PALLD: variants seen among roughly 807,000 people sequenced by gnomAD.
PALLD encodes the protein palladin, cytoskeletal associated protein.
Under a neutral mutation model 123.5 loss-of-function variants are expected in PALLD, and 61 were observed. That is an observed-to-expected ratio of 0.49 (90% CI 0.40 to 0.61). PALLD has a LOEUF of 0.61. PALLD is among the 20% of genes least tolerant of loss of function. The pLI, the probability that PALLD is intolerant of heterozygous loss-of-function variation, is 0.00. For missense variants in PALLD, 1,273 were observed against 1,377.0 expected (o/e 0.92, Z 1.20); for synonymous variants, 465 against 496.4 (o/e 0.94, Z 0.84).
At chr4:168,858,016 G>GC (rs1410754632) in intron 10 of PALLD, among the ~76,000 whole-genome samples, 1 of 152,222 alleles carries the variant, frequency 6.6e-6, no homozygotes, top group Non-Finnish European at 1.5e-5. Flanking sequence ...TCCCCACACA[G>GC]CAACACTTCT....
At chr4:168,633,295 T>C (rs2149835902) in intron 2 of PALLD, among the ~76,000 whole-genome samples, 1 of 152,142 alleles carries the variant, frequency 6.6e-6, no homozygotes, top group African/African-American at 2.4e-5. Context: ...CTCTTACATT[T>C]CCCCCCGCGG....
chr4:168,776,042 T>C (rs1309999178), intron 10 of PALLD, among the ~76,000 whole-genome samples: 1 of 152,226 alleles, frequency 6.6e-6, no homozygotes, highest in Non-Finnish European at 1.5e-5. Context: ...CTATAGATTT[T>C]TGAATCAGCT....
chr4:168,746,238 T>C (rs1423123591), intron 10 of PALLD, among the ~76,000 whole-genome samples: 1 of 151,754 alleles, frequency 6.6e-6, no homozygotes, highest in East Asian at 1.9e-4. Context: ...AATTCAGCTC[T>C]TTTCCTCATC....
rs1382259267 is a variant in PALLD, at chr4:168,927,687, C to A, written c.*1507C>A. 4.4e-6 allele frequency: 1 copy of A among 225,542 alleles called. No homozygotes were observed. The highest frequency in any genetic ancestry group is 8.8e-6 in the Non-Finnish European group (1 of 113,062). 14.0% of individuals were successfully genotyped at this position (225,542 alleles called of 1,614,324 possible). A position where few individuals can be genotyped will look rare whatever the true frequency, so the allele number is the denominator to read the frequency against. On this transcript the variant is annotated 3_prime_UTR_variant, in exon 22 of 22. Transcript: ENST00000505667. ...TTTGCCTTAAGAAGGTGCTGGATTC[C>A]AAGGTTTGTAAAGGCATCTCGGTAA...
At chr4:168,766,918 C>A (rs869398) in intron 10 of PALLD, among the ~76,000 whole-genome samples, 51,115 of 151,710 alleles carry the variant, frequency 0.34, 9,204 homozygotes, top group Non-Finnish European at 0.42. Flanking sequence ...TGTGGCAGCT[C>A]ATCAAGTATT....
At chr4:168,819,850 T>TC (rs1742473392) in intron 10 of PALLD, among the ~76,000 whole-genome samples, 1 of 152,220 alleles carries the variant, frequency 6.6e-6, no homozygotes, top group Non-Finnish European at 1.5e-5. Flanking sequence ...AAATGTAATC[T>TC]CATCCAACCC....
chr4:168,832,650 A>G (rs10029957), intron 10 of PALLD: 9,300 of 152,270 alleles, frequency 0.061, 322 homozygotes, highest in Non-Finnish European at 0.066. Flanking sequence ...TGGCGGGGAG[A>G]GGGTGGGGAC....
intron 2 of PALLD, among the ~76,000 whole-genome samples, chr4:168,527,773 C>G (rs1039701031): frequency 1.3e-5 from 2 of 152,134 alleles, no homozygotes; most frequent in Admixed American, 6.5e-5. Flanking sequence ...TCTGTGTAGA[C>G]TAGAACAGAC....
intron 15 of PALLD, among the ~76,000 whole-genome samples, chr4:168,909,171 G>A (rs190300508): frequency 1.4e-4 from 21 of 152,218 alleles, no homozygotes; most frequent in East Asian, 1.2e-3. Flanking sequence ...TAAGAACAAC[G>A]ACATCTAAAC....
At chr4:168,759,191 AAAAAAAAAAAAATATAT>A (rs1386536748) in intron 10 of PALLD, among the ~76,000 whole-genome samples, 1 of 29,548 alleles carries the variant, frequency 3.4e-5, no homozygotes, top group Non-Finnish European at 6.8e-5. Context: ...AAAAAAAAAA[AAAAAAAAAAAAATATAT>A]ATATATATAT....
rs878854267 is a variant in PALLD at position 168,890,938 on chromosome 4, G to C, written c.1981G>C (p.Ala661Pro). The change falls in exon 11 of 22, where the codon GCC (alanine) becomes CCC (proline). Residue 661 changes from alanine (A) to proline (P), a missense_variant. By Grantham distance (27) the Ala-to-Pro change is conservative (BLOSUM62 -1). Transcript: ENST00000505667. Reference protein sequence around the residue: ...AKPKLGFPKKASRTARIASDE... With the variant: ...AKPKLGFPKKPSRTARIASDE... ...ATCCTGCAGAGGATTTCCAAAGAAGGCCAGTAGAACTGCTAGAATAGCCTC... is the reference window on the plus strand; with the variant it reads ...ATCCTGCAGAGGATTTCCAAAGAAGCCCAGTAGAACTGCTAGAATAGCCTC... The C allele has an allele frequency of 3.7e-6, 6 of 1,613,876 alleles. No individual in the cohort carries two copies. Among genetic ancestry groups the C allele is most frequent in the Non-Finnish European group, 5.1e-6 (6 of 1,179,942 alleles).
intron 10 of PALLD, among the ~76,000 whole-genome samples, chr4:168,879,155 A>G (rs949612533): frequency 6.6e-6 from 1 of 152,134 alleles, no homozygotes; most frequent in Non-Finnish European, 1.5e-5. Context: ...TGCCTCCTCT[A>G]TCTCTTTCTG....
rs987950670 is a variant in PALLD at position 168,926,486 on chromosome 4, A to G, written c.*306A>G. 7.1e-6 allele frequency: 5 copies of G among 707,428 alleles called. No individual in the cohort carries two copies. The African/African-American group carries it at 1.1e-4, about 16-fold the overall frequency. 43.8% of individuals were successfully genotyped at this position (707,428 alleles called of 1,614,324 possible). A position where few individuals can be genotyped will look rare whatever the true frequency, so the allele number is the denominator to read the frequency against. ...AAAAGGCAGAAACATACCTTTGACT[A>G]TAAGAAATTAAAAAAAAAACACCAA... On this transcript the variant is annotated 3_prime_UTR_variant, in exon 22 of 22. Coordinates refer to ENST00000505667, the MANE Select transcript of PALLD (RefSeq NM_001166108.2).
chr4:168,511,599 C>G lies in PALLD; in HGVS notation c.95C>G (p.Ala32Gly). Reference sequence around the variant, plus strand: ...ACTGACTTCTTCCCGGGCCTTTCTGCTTTCCTCAGCCAGGAAGAGATAAAC... The same window carrying G: ...ACTGACTTCTTCCCGGGCCTTTCTGGTTTCCTCAGCCAGGAAGAGATAAAC... ...KNTDFFPGLS[A>G]FLSQEEINKS... Residue 32 changes from alanine to glycine, a missense_variant, in exon 2 of 22, where the codon GCT (alanine) becomes GGT (glycine). By Grantham distance (60) the Ala-to-Gly change is moderately conservative. This residue lies in a region of PALLD where 944 missense variants were observed against 954.5 expected (regional missense o/e 0.99). Coordinates refer to ENST00000505667, the MANE Select transcript of PALLD (RefSeq NM_001166108.2). 2 of 1,614,098 alleles carry G rather than the reference C, an allele frequency of 1.2e-6. No individual in the cohort carries two copies.
chr4:168,781,429 C>G (rs548771919), intron 10 of PALLD, among the ~76,000 whole-genome samples: 1 of 152,322 alleles, frequency 6.6e-6, no homozygotes, highest in East Asian at 1.9e-4. Flanking sequence ...GCACATAGAG[C>G]ACAGTTGCTC....
chr4:168,850,949 C>T (rs1355310453), intron 10 of PALLD, among the ~76,000 whole-genome samples: 2 of 152,190 alleles, frequency 1.3e-5, no homozygotes, highest in Non-Finnish European at 2.9e-5. Flanking sequence ...AGCTCAGTAC[C>T]TGGCATTCCA....
At chr4:168,538,605 A>G (rs541837657) in intron 2 of PALLD, among the ~76,000 whole-genome samples, 12 of 152,264 alleles carry the variant, frequency 7.9e-5, no homozygotes, top group Admixed American at 2.0e-4. Context: ...AAGAGACACA[A>G]TTGTACAAAG....
rs199755853 is a variant in PALLD, at chr4:168,690,653, C to T, written c.1386C>T (p.Cys462=). ...AAGGCCAGGTGGTGGTTCTGGAGTGCCGGGTCCGTGGGGCACCCCCTCTGC... is the reference window on the plus strand; with the variant it reads ...AAGGCCAGGTGGTGGTTCTGGAGTGTCGGGTCCGTGGGGCACCCCCTCTGC... ...VAEGQVVVLE[C]RVRGAPPLQV... Residue 462 remains cysteine (C), a synonymous_variant, in exon 7 of 22, where the codon TGC becomes TGT. Transcript: ENST00000505667. 2.5e-4 allele frequency: 402 copies of T among 1,613,984 alleles called. No individual in the cohort carries two copies. Among genetic ancestry groups the T allele is most frequent in the Non-Finnish European group, 3.1e-4 (362 of 1,180,004 alleles).
chr4:168,855,195 A>T (rs867618037), intron 10 of PALLD, among the ~76,000 whole-genome samples: 1 of 147,672 alleles, frequency 6.8e-6, no homozygotes, highest in African/African-American at 2.5e-5. Context: ...GGTTCAAGCG[A>T]TTCTCCTGCC....
Sources: gnomAD v4.1 joint callset for allele counts (sites outside exome capture counted in the v4.1 genomes callset) on GRCh38, gnomAD v4.1.1 for gene constraint, gnomAD v4.1.1 regional missense constraint, MANE v1.5 for transcripts, NCBI Gene and HGNC (gene_info 2026-07-23, HGNC 2026-07-21) for gene names.